The following NPAS3 variants were observed in gnomAD, a reference collection of about 807,000 sequenced individuals.
NPAS3 encodes the protein neuronal PAS domain protein 3.
In NPAS3, 14 loss-of-function variants were observed where a neutral mutation model predicts 73.1. That is an observed-to-expected ratio of 0.19 (90% CI 0.13 to 0.30). The LOEUF is 0.30. Ranked by LOEUF, NPAS3 falls within the 10% of genes least tolerant of loss-of-function variation. NPAS3 has a pLI of 1.00. For synonymous variants in NPAS3, 620 were observed against 541.5 expected (o/e 1.14, Z -2.01); for missense variants, 1,096 against 1,250.0 (o/e 0.88, Z 1.86).
At chr14:33,372,673 T>G (rs1171091431) in intron 4 of NPAS3, among the ~76,000 whole-genome samples, 2 of 152,136 alleles carry the variant, frequency 1.3e-5, no homozygotes, top group African/African-American at 4.8e-5. Context: ...AGTTGAGGGT[T>G]CAAGGGATGT....
chr14:32,959,666 A>G (rs2036826601), intron 1 of NPAS3, among the ~76,000 whole-genome samples: 1 of 152,234 alleles, frequency 6.6e-6, no homozygotes, highest in South Asian at 2.1e-4. Context: ...ACGTAGCTGC[A>G]TGAATATACA....
At chr14:33,398,223 T>C (rs1028529988) in intron 4 of NPAS3, among the ~76,000 whole-genome samples, 4 of 151,754 alleles carry the variant, frequency 2.6e-5, no homozygotes. Context: ...ATTAATAATA[T>C]TAAAGAAAGT....
chr14:33,658,173 T>G (rs148623620), intron 5 of NPAS3, among the ~76,000 whole-genome samples: 24 of 152,364 alleles, frequency 1.6e-4, no homozygotes, highest in African/African-American at 5.8e-4. Context: ...TCCTAATTCA[T>G]TCTCCTCATC....
intron 3 of NPAS3, among the ~76,000 whole-genome samples, chr14:33,313,450 C>T (rs2043086275): frequency 6.6e-6 from 1 of 152,056 alleles, no homozygotes; most frequent in Non-Finnish European, 1.5e-5. Flanking sequence ...CGCTGTAGTA[C>T]AATTCCCAGT....
At chr14:32,975,284 T>C (rs1033912869) in intron 1 of NPAS3, among the ~76,000 whole-genome samples, 5 of 54,354 alleles carry the variant, frequency 9.2e-5, no homozygotes, top group African/African-American at 2.9e-4. Flanking sequence ...TCTGCCCTTC[T>C]ATTCCTTCCC....
intron 3 of NPAS3, among the ~76,000 whole-genome samples, chr14:33,294,203 T>G (rs1265290494): frequency 6.6e-6 from 1 of 152,226 alleles, no homozygotes; most frequent in African/African-American, 2.4e-5. Flanking sequence ...TGGTCTTCCC[T>G]TGGACTGCCT....
chr14:33,635,647 C>T lies in NPAS3; in HGVS notation c.559-40564C>T, dbSNP rs371773238. ...TCCTCTAACTGTTCACCAGCACCGC[C>T]ATCACCCATTATCAGACATAGTCCA... On this transcript the variant is annotated intron_variant, in intron 5 of 11. Coordinates refer to ENST00000356141, the Ensembl canonical transcript of NPAS3. Among the ~76,000 whole-genome samples the T allele has an allele frequency of 1.2e-4, 19 of 152,290 alleles. 1 individual carries two copies. The East Asian group carries it at 3.7e-3, about 30-fold the overall frequency.
chr14:33,579,340 A>G (rs780709453), intron 5 of NPAS3, among the ~76,000 whole-genome samples: 5 of 152,268 alleles, frequency 3.3e-5, no homozygotes, highest in Non-Finnish European at 7.3e-5. Flanking sequence ...AAACCTTTAC[A>G]GCTAGAGAAG....
At chr14:33,529,244 A>G (rs1045108526) in intron 4 of NPAS3, among the ~76,000 whole-genome samples, 2 of 152,090 alleles carry the variant, frequency 1.3e-5, no homozygotes, top group African/African-American at 4.8e-5. Flanking sequence ...AGTTTACTCA[A>G]GGCACTTTGT....
At chr14:33,377,567 T>A (rs1413987617) in intron 4 of NPAS3, among the ~76,000 whole-genome samples, 9 of 152,236 alleles carry the variant, frequency 5.9e-5, no homozygotes, top group Non-Finnish European at 1.3e-4. Context: ...CTCAGAAGGA[T>A]GTTCATAATG....
At position 33,661,621 on chromosome 14, in the gene NPAS3, C is replaced by T. The variant is rs143519418; in HGVS notation, c.559-14590C>T. Among the ~76,000 whole-genome samples, 23 of 152,314 alleles carry T rather than the reference C, an allele frequency of 1.5e-4. No homozygotes were observed. The East Asian group carries it at 4.0e-3, about 27-fold the overall frequency. On this transcript the variant is annotated intron_variant, in intron 5 of 11. Coordinates refer to ENST00000356141, the Ensembl canonical transcript of NPAS3. ...AGAATAGGAAAACTTATTGTGAAGA[C>T]ACTTGTATTGAAAAGTCAGCTCATT...
At chr14:33,761,152 C>T (rs977844867) in intron 7 of NPAS3, among the ~76,000 whole-genome samples, 1 of 151,570 alleles carries the variant, frequency 6.6e-6, no homozygotes, top group Non-Finnish European at 1.5e-5. Context: ...AGTTGTCTTA[C>T]AAACTTACAA....
chr14:33,360,560 A>G (rs1349658981), intron 3 of NPAS3, among the ~76,000 whole-genome samples: 1 of 152,216 alleles, frequency 6.6e-6, no homozygotes, highest in African/African-American at 2.4e-5. Context: ...CTGTGACATC[A>G]AGTGGTTGAA....
At chr14:33,279,678 C>T (rs1411934640) in intron 3 of NPAS3, among the ~76,000 whole-genome samples, 1 of 152,094 alleles carries the variant, frequency 6.6e-6, no homozygotes, top group Non-Finnish European at 1.5e-5. Flanking sequence ...GGGTAGAGAG[C>T]TTTTTAGCAT....
At chr14:33,319,297 A>T (rs2043337902) in intron 3 of NPAS3, among the ~76,000 whole-genome samples, 1 of 152,134 alleles carries the variant, frequency 6.6e-6, no homozygotes, top group Non-Finnish European at 1.5e-5. Flanking sequence ...AGCAAGTCAC[A>T]AGGCCAGCCT....
intron 7 of NPAS3, among the ~76,000 whole-genome samples, chr14:33,773,957 G>T (rs2062733441): frequency 6.6e-6 from 1 of 152,166 alleles, no homozygotes; most frequent in Non-Finnish European, 1.5e-5. Flanking sequence ...TCCCACTCAA[G>T]TACAGACCTG....
At chr14:33,499,808 T>G (rs2052420047) in intron 4 of NPAS3, among the ~76,000 whole-genome samples, 1 of 151,946 alleles carries the variant, frequency 6.6e-6, no homozygotes, top group Non-Finnish European at 1.5e-5. Context: ...TATGGATGCT[T>G]TCTTTCTCAT....
intron 6 of NPAS3, among the ~76,000 whole-genome samples, chr14:33,724,007 T>A (rs984149744): frequency 1.3e-5 from 2 of 152,206 alleles, no homozygotes; most frequent in African/African-American, 4.8e-5. Context: ...AACCTTGGGC[T>A]TTAACCAGGC....
At chr14:33,358,245 G>A (rs1183276721) in intron 3 of NPAS3, among the ~76,000 whole-genome samples, 1 of 152,134 alleles carries the variant, frequency 6.6e-6, no homozygotes, top group Non-Finnish European at 1.5e-5. Context: ...TTGAGGTGGA[G>A]GGGGAGAGAG....
Sources: gnomAD v4.1 joint callset for allele counts (sites outside exome capture counted in the v4.1 genomes callset) on GRCh38, gnomAD v4.1.1 for gene constraint, MANE v1.5 for transcripts, NCBI Gene and HGNC (gene_info 2026-07-23, HGNC 2026-07-21) for gene names.